Variants in FMR1 observed in about 807,000 individuals in gnomAD.
FMR1 encodes the protein FMRP translational regulator 1.
In FMR1, 13 loss-of-function variants were observed where a neutral mutation model predicts 50.6. The observed-to-expected ratio is 0.26, with a 90% CI of 0.17 to 0.41. The LOEUF (loss-of-function observed/expected upper bound fraction) is 0.41, where lower values mean the gene tolerates loss of function less well. FMR1 is among the 10% of genes least tolerant of loss of function. The pLI is 1.00. For synonymous variants in FMR1, 138 were observed against 164.1 expected (o/e 0.84, Z 1.22); for missense variants, 316 against 491.3 (o/e 0.64, Z 3.37).
At chrX:147,920,560 G>A (rs1000735507) in intron 1 of FMR1, among the ~76,000 whole-genome samples, 5 of 111,375 alleles carry the variant, frequency 4.5e-5, no homozygotes, top group Admixed American at 1.9e-4. Flanking sequence ...AACCTCTTAG[G>A]CAATGATCTA....
chrX:147,925,280 G>A lies in FMR1; in HGVS notation c.105-260G>A, dbSNP rs181587058. ...AATTATTGGAAAGAAGACTTGTTTT[G>A]AAAATCATAATGTTGCTGTATTGTG... On this transcript the variant is annotated intron_variant, in intron 2 of 16. Coordinates refer to ENST00000370475, the MANE Select transcript of FMR1 (RefSeq NM_002024.6). Among the ~76,000 whole-genome samples the A allele has an allele frequency of 4.5e-3, 509 of 112,086 alleles. 2 individuals carry two copies. The highest frequency in any genetic ancestry group is 0.016 in the African/African-American group (499 of 30,825).
At chrX:147,940,512 T>C (rs2043966833) in intron 12 of FMR1, 64 bp from the exon 13 acceptor site, 12 of 713,221 alleles carry the variant, frequency 1.7e-5, no homozygotes, top group Non-Finnish European at 2.5e-5. Context: ...TTAGTCGTTA[T>C]TTGCATTTTT....
chrX:147,925,689 C>T (rs1272435672), intron 3 of FMR1, 56 bp downstream of exon 3: 24 of 787,370 alleles, frequency 3.0e-5, no homozygotes, highest in Non-Finnish European at 4.7e-5. Flanking sequence ...GTTAATTTAT[C>T]TGTGTTTTTT....
chrX:147,946,602 A>G (rs557233085), intron 16 of FMR1, among the ~76,000 whole-genome samples: 2 of 112,666 alleles, frequency 1.8e-5, no homozygotes, highest in South Asian at 7.4e-4. Flanking sequence ...ATTCCACTTT[A>G]TAGGTGAGTG....
chrX:147,916,433 G>A lies in FMR1; in HGVS notation c.51+4203G>A, dbSNP rs193237598. 6.6e-3 allele frequency among the ~76,000 whole-genome samples: 729 copies of A among 110,643 alleles called. 4 individuals are homozygous for A. Among genetic ancestry groups the A allele is most frequent in the African/African-American group, 0.023 (698 of 30,376 alleles). On this transcript the variant is annotated intron_variant, in intron 1 of 16. Transcript: ENST00000370475. ...TGTTAGTGTCCCCATACAACGGGGC[G>A]GGGGGAGTGGGGACAAAATGATAAC...
chrX:147,937,400 A>C, intron 10 of FMR1, 66 bp from the exon 11 acceptor site: 1 of 686,240 alleles, frequency 1.5e-6, no homozygotes, highest in Non-Finnish European at 2.4e-6. Context: ...GATAACACTA[A>C]TAGAGCTAAA....
chrX:147,948,301 G>T, intron 16 of FMR1: 1 of 289,580 alleles, frequency 3.5e-6, no homozygotes, highest in Non-Finnish European at 4.8e-6. Flanking sequence ...ACAATCTTTG[G>T]AGAATAACTA....
intron 16 of FMR1, chrX:147,947,079 A>G (rs1167842256): frequency 8.9e-6 from 1 of 112,150 alleles, no homozygotes; most frequent in Non-Finnish European, 1.9e-5. Flanking sequence ...TGGAATACTG[A>G]ATTTAAAAGG....
chrX:147,942,465 G>A (rs1359219835), intron 13 of FMR1, among the ~76,000 whole-genome samples: 2 of 112,250 alleles, frequency 1.8e-5, no homozygotes, highest in Non-Finnish European at 3.8e-5. Flanking sequence ...CGTACTTGTT[G>A]TAGCAGAGTT....
chrX:147,936,558 G>C lies in FMR1; in HGVS notation c.935G>C (p.Gly312Ala). 8.3e-7 allele frequency: 1 copy of C among 1,201,159 alleles called. No homozygotes were observed. Among genetic ancestry groups the C allele is most frequent in the Non-Finnish European group, 1.1e-6 (1 of 885,746 alleles). The change falls in exon 10 of 17, where the codon GGA becomes GCA. Residue 312 changes from glycine (G) to alanine (A), a missense_variant. Around this residue, in one of 4 missense-constraint regions of FMR1, gnomAD observed 124 missense variants for 238.1 expected, o/e 0.52. Transcript: ENST00000370475. ...KLIQEIVDKS[G>A]VVRVRIEAEN... ...ATTCAGGAGATTGTGGACAAGTCAG[G>C]AGTTGTGAGGGTGAGGATTGAGGCT...
intron 16 of FMR1, among the ~76,000 whole-genome samples, chrX:147,948,233 G>A (rs1441697818): frequency 1.8e-5 from 2 of 112,545 alleles, no homozygotes; most frequent in East Asian, 5.6e-4. Context: ...TAGTTAGTGA[G>A]TTATTTGAGG....
chrX:147,934,860 T>G (rs1473486083), intron 9 of FMR1, among the ~76,000 whole-genome samples: 8 of 111,880 alleles, frequency 7.2e-5, no homozygotes, highest in Non-Finnish European at 1.3e-4. Context: ...GCATGTGTTT[T>G]GTTTGAGTCA....
intron 1 of FMR1, among the ~76,000 whole-genome samples, chrX:147,918,933 A>G (rs1238875875): frequency 9.0e-6 from 1 of 111,121 alleles, no homozygotes; most frequent in African/African-American, 3.3e-5. Context: ...ACTATGGTAG[A>G]TGGCATAGTT....
At chrX:147,939,711 A>G (rs1557180315) in intron 12 of FMR1, among the ~76,000 whole-genome samples, 1 of 95,935 alleles carries the variant, frequency 1.0e-5, no homozygotes, top group Non-Finnish European at 2.1e-5. Context: ...AGCCTGGGCA[A>G]TGTGGCGAAA....
chrX:147,925,037 A>G (rs1454072970), intron 2 of FMR1: 1 of 132,837 alleles, frequency 7.5e-6, no homozygotes, highest in Non-Finnish European at 1.5e-5. Flanking sequence ...CGTGGGATCT[A>G]AAATTTAAAG....
chrX:147,948,616 T>G, intron 16 of FMR1, 67 bp from the exon 17 acceptor site: 1 of 1,206,422 alleles, frequency 8.3e-7, no homozygotes, highest in South Asian at 1.8e-5. Context: ...TTTAAATTTC[T>G]TGTCAGGCCA....
Position 147,950,108 on chromosome X carries a change from A to T in FMR1, c.*1264A>T, listed in dbSNP as rs1341456774. 2 of 321,208 alleles carry T rather than the reference A, an allele frequency of 6.2e-6. No individual in the cohort carries two copies. The highest frequency in any genetic ancestry group is 5.9e-6 in the Non-Finnish European group (1 of 168,099). 26.5% of individuals were successfully genotyped at this position (321,208 alleles called of 1,213,427 possible). On this transcript the variant is annotated 3_prime_UTR_variant, in exon 17 of 17. Transcript: ENST00000370475. ...TTTTTTTTTTAAGTGAAATTTATTG[A>T]GGAAAAATATGTGAAGGACCTTCAC...
chrX:147,949,310 TC>T lies in FMR1; in HGVS notation c.*468del, dbSNP rs1557182894. 1 of 330,019 alleles carries T rather than the reference TC, an allele frequency of 3.0e-6. No individual in the cohort carries two copies. Among genetic ancestry groups the T allele is most frequent in the Admixed American group, 3.1e-5 (1 of 32,180 alleles). The allele number at this position is 330,019 out of a possible 1,213,427, so 27.2% of individuals were successfully genotyped here. A position where few individuals can be genotyped will look rare whatever the true frequency, so the allele number is the denominator to read the frequency against. The stretch of plus-strand genomic sequence containing the variant: ...GTCAGTTTATGTTTTGGTCCACTTT[TC>T]CAGTATTTTAGTGGACCCTGAAATG... On this transcript the variant is annotated 3_prime_UTR_variant, in exon 17 of 17. Transcript: ENST00000370475.
At chrX:147,942,195 G>A (rs2044031352) in intron 13 of FMR1, among the ~76,000 whole-genome samples, 2 of 112,187 alleles carry the variant, frequency 1.8e-5, no homozygotes, top group African/African-American at 6.5e-5. Flanking sequence ...AGCTTTACAG[G>A]AGCTTCTCCA....
Sources: allele counts gnomAD v4.1 joint callset (sites outside exome capture counted in the v4.1 genomes callset), GRCh38; gene constraint gnomAD v4.1.1; regional missense constraint gnomAD v4.1.1; transcripts MANE v1.5; gene names NCBI Gene and HGNC (gene_info 2026-07-23, HGNC 2026-07-21).